The following GRM3 variants were observed in gnomAD, a reference collection of about 807,000 sequenced individuals.
The protein encoded by GRM3 is glutamate metabotropic receptor 3.
GRM3 carries 26 observed loss-of-function variants against 70.5 expected under a neutral mutation model. The ratio of observed to expected loss-of-function variants is 0.37; its 90% confidence interval spans 0.27 to 0.51. GRM3 has a LOEUF of 0.51. Ranked by LOEUF, GRM3 falls within the 20% of genes least tolerant of loss-of-function variation. GRM3 has a pLI of 0.93. For synonymous variants in GRM3, 443 were observed against 434.9 expected, an observed-to-expected ratio of 1.02 and a Z score of -0.23; for missense variants, 859 against 1,123.8, an observed-to-expected ratio of 0.76 and a Z score of 3.37.
intron 3 of GRM3, among the ~76,000 whole-genome samples, chr7:86,801,481 G>A (rs915708574): frequency 6.6e-6 from 1 of 151,984 alleles, no homozygotes; most frequent in Non-Finnish European, 1.5e-5. Context: ...AATATGGAGG[G>A]GATTTGTGGG....
chr7:86,777,799 A>C (rs1562859182), intron 2 of GRM3, among the ~76,000 whole-genome samples: 1 of 152,200 alleles, frequency 6.6e-6, no homozygotes, highest in Admixed American at 6.5e-5. Context: ...TGTCAACTAT[A>C]TACCACCTCC....
intron 1 of GRM3, among the ~76,000 whole-genome samples, chr7:86,744,550 A>G (rs1796060357): frequency 6.6e-6 from 1 of 151,686 alleles, no homozygotes; most frequent in South Asian, 2.1e-4. Context: ...AACAGGCCAC[A>G]TGTCATGGGT....
At chr7:86,773,351 T>TTTTA (rs147567573) in intron 2 of GRM3, among the ~76,000 whole-genome samples, 2,333 of 151,930 alleles carry the variant, frequency 0.015, 58 homozygotes, top group African/African-American at 0.051. Context: ...ATCCATTACC[T>TTTTA]TTTATTTATT....
At chr7:86,860,444 A>G (rs1798932710) in intron 5 of GRM3, among the ~76,000 whole-genome samples, 1 of 152,242 alleles carries the variant, frequency 6.6e-6, no homozygotes, top group Admixed American at 6.5e-5. Flanking sequence ...CACCAGCAGA[A>G]GCTACCGATG....
At chr7:86,779,674 A>G (rs1185938305) in intron 2 of GRM3, among the ~76,000 whole-genome samples, 1 of 152,232 alleles carries the variant, frequency 6.6e-6, no homozygotes, top group East Asian at 1.9e-4. Flanking sequence ...AGAGGCTCAG[A>G]GAATGGGCAC....
intron 4 of GRM3, among the ~76,000 whole-genome samples, chr7:86,844,323 A>G (rs1421420150): frequency 6.6e-6 from 1 of 152,222 alleles, no homozygotes; most frequent in Non-Finnish European, 1.5e-5. Flanking sequence ...TCTATGTGCT[A>G]TGCAGATGAA....
chr7:86,689,782 G>A (rs1479783605), intron 1 of GRM3, among the ~76,000 whole-genome samples: 1 of 152,080 alleles, frequency 6.6e-6, no homozygotes, highest in Non-Finnish European at 1.5e-5. Flanking sequence ...ATATAAATTA[G>A]AAAATTTTGA....
At chr7:86,722,713 C>A (rs181919049) in intron 1 of GRM3, among the ~76,000 whole-genome samples, 4 of 152,124 alleles carry the variant, frequency 2.6e-5, no homozygotes, top group African/African-American at 9.6e-5. Context: ...ATGTAACCTG[C>A]ACGTTCTGCA....
At chr7:86,739,916 C>T (rs1480464843) in intron 1 of GRM3, among the ~76,000 whole-genome samples, 1 of 152,148 alleles carries the variant, frequency 6.6e-6, no homozygotes, top group Non-Finnish European at 1.5e-5. Context: ...TTCCTCATCT[C>T]TAAAATGTAA....
At chr7:86,804,839 G>A (rs1797754767) in intron 3 of GRM3, among the ~76,000 whole-genome samples, 1 of 152,194 alleles carries the variant, frequency 6.6e-6, no homozygotes. Flanking sequence ...AGGTATGAGT[G>A]TGGTGGCTCA....
At chr7:86,673,276 G>A (rs1211909194) in intron 1 of GRM3, among the ~76,000 whole-genome samples, 3 of 152,078 alleles carry the variant, frequency 2.0e-5, no homozygotes, top group Admixed American at 1.3e-4. Flanking sequence ...TATTTGTGGG[G>A]GAAGTAAGTG....
rs79316705 is a variant in GRM3, at chr7:86,732,712, A to C, written c.-140-32294A>C. On this transcript the variant is annotated intron_variant, in intron 1 of 5. Transcript: ENST00000361669. Reference sequence around the variant, plus strand: ...GATTCAATAAGTTTCCAATGGTCATAGGGGTAGCAAATGGAGGAGTAAGTG... The same window carrying C: ...GATTCAATAAGTTTCCAATGGTCATCGGGGTAGCAAATGGAGGAGTAAGTG... Among the ~76,000 whole-genome samples the C allele has an allele frequency of 8.9e-3, 1,358 of 152,300 alleles. 17 individuals are homozygous for C. The highest frequency in any genetic ancestry group is 0.031 in the African/African-American group (1,293 of 41,564).
intron 1 of GRM3, among the ~76,000 whole-genome samples, chr7:86,719,398 T>G (rs552675418): frequency 2.6e-5 from 4 of 152,082 alleles, no homozygotes; most frequent in African/African-American, 9.6e-5. Context: ...GTACCAGGCA[T>G]ATAAAGATAA....
chr7:86,760,985 C>A (rs1796465865), intron 1 of GRM3, among the ~76,000 whole-genome samples: 1 of 152,004 alleles, frequency 6.6e-6, no homozygotes, highest in African/African-American at 2.4e-5. Context: ...TAGCACTTAA[C>A]AATTATCATG....
At chr7:86,675,305 A>G (rs528698841) in intron 1 of GRM3, among the ~76,000 whole-genome samples, 2 of 152,200 alleles carry the variant, frequency 1.3e-5, no homozygotes, top group East Asian at 3.9e-4. Context: ...CATCCCCCAT[A>G]GGAGGTCAGA....
chr7:86,715,712 C>T (rs1045365851), intron 1 of GRM3, among the ~76,000 whole-genome samples: 3 of 151,994 alleles, frequency 2.0e-5, no homozygotes, highest in African/African-American at 7.2e-5. Context: ...CCAAAGCTAC[C>T]TTCAGCCATG....
chr7:86,682,502 T>C lies in GRM3; in HGVS notation c.-141+37630T>C, dbSNP rs1308534102. Among the ~76,000 whole-genome samples the C allele has an allele frequency of 3.9e-5, 6 of 152,180 alleles. No individual in the cohort carries two copies. In the East Asian group the frequency reaches 9.6e-4, roughly 24 times the overall value. ...GAGAAATTCTGCTTATTTATTATCA[T>C]TGGTTTTACATTATGTTTTGGTTTA... On this transcript the variant is annotated intron_variant, in intron 1 of 5. Coordinates refer to ENST00000361669, the MANE Select transcript of GRM3 (RefSeq NM_000840.3).
At chr7:86,787,658 AT>A (rs1208617846) in intron 3 of GRM3, among the ~76,000 whole-genome samples, 41 of 152,234 alleles carry the variant, frequency 2.7e-4, no homozygotes, top group Middle Eastern at 3.4e-3. Context: ...CATTCCGTTT[AT>A]TTTTCTGCTA....
intron 2 of GRM3, among the ~76,000 whole-genome samples, chr7:86,779,785 A>G (rs1390726005): frequency 6.6e-6 from 1 of 152,228 alleles, no homozygotes; most frequent in Non-Finnish European, 1.5e-5. Context: ...TCTAGACAGA[A>G]GGAACATCAC....
Sources: gnomAD v4.1 joint callset for allele counts (sites outside exome capture counted in the v4.1 genomes callset) on GRCh38, gnomAD v4.1.1 for gene constraint, MANE v1.5 for transcripts, NCBI Gene and HGNC (gene_info 2026-07-23, HGNC 2026-07-21) for gene names.